Variants in CENPP observed in about 807,000 individuals in gnomAD.
The protein encoded by CENPP is centromere protein P.
In CENPP, 24 loss-of-function variants were observed where a neutral mutation model predicts 35.6. The ratio of observed to expected loss-of-function variants is 0.67; its 90% CI spans 0.49 to 0.95. CENPP has a LOEUF of 0.95. Among genes scored for constraint, CENPP ranks in the 40% least tolerant of loss-of-function variants. CENPP has a pLI of 0.00. For missense variants in CENPP, 332 were observed against 345.3 expected (o/e 0.96, Z 0.31); for synonymous variants, 120 against 125.5 (o/e 0.96, Z 0.29).
chr9:92,446,629 A>G (rs1844558133), intron 5 of CENPP, among the ~76,000 whole-genome samples: 1 of 152,170 alleles, frequency 6.6e-6, no homozygotes, highest in Non-Finnish European at 1.5e-5. Context: ...TTCACTAATA[A>G]GCATCATTCA....
intron 5 of CENPP, among the ~76,000 whole-genome samples, chr9:92,574,155 C>T (rs1850222605): frequency 6.6e-6 from 1 of 152,308 alleles, no homozygotes; most frequent in Middle Eastern, 3.4e-3. Flanking sequence ...CACCCGTCTT[C>T]TGCATCGCTC....
intron 5 of CENPP, among the ~76,000 whole-genome samples, chr9:92,545,655 C>T (rs372950942): frequency 6.6e-6 from 1 of 152,220 alleles, no homozygotes; most frequent in Non-Finnish European, 1.5e-5. Flanking sequence ...GACTGGCAGC[C>T]AGCTCCACCT....
At chr9:92,344,875 T>C (rs1841238590) in intron 3 of CENPP, among the ~76,000 whole-genome samples, 6 of 146,950 alleles carry the variant, frequency 4.1e-5, no homozygotes, top group Admixed American at 4.1e-4. Context: ...TAGGTAAAAA[T>C]GGCATCTTAT....
At chr9:92,470,655 G>T in intron 5 of CENPP, 1 of 1,283,790 alleles carries the variant, frequency 7.8e-7, no homozygotes, top group South Asian at 1.3e-5. Context: ...GAAAGTATGA[G>T]GATATATTCT....
intron 5 of CENPP, among the ~76,000 whole-genome samples, chr9:92,451,005 C>T (rs1844692440): frequency 1.3e-5 from 2 of 151,842 alleles, no homozygotes; most frequent in Non-Finnish European, 2.9e-5. Context: ...AGCTCTTTGT[C>T]AGATGAGTAG....
intron 5 of CENPP, among the ~76,000 whole-genome samples, chr9:92,602,368 GGGTCTCAGACTCAGGAGTGGACAGT>G: frequency 6.6e-6 from 1 of 152,216 alleles, no homozygotes; most frequent in Non-Finnish European, 1.5e-5. Flanking sequence ...AGCCATCATA[GGGTCTCAGACTCAGGAGTGGACAGT>G]GGTCTCAGGA....
At position 92,593,602 on chromosome 9, in the gene CENPP, T is replaced by C. The variant is rs1021022207; in HGVS notation, c.565-17712T>C. ...AGTGGTGTTTGCTACTCTTCTGTTA[T>C]CTGTTTTGAGTTTTAAGTCAAGCCC... On this transcript the variant is annotated intron_variant, in intron 5 of 7. Coordinates refer to ENST00000375587, the MANE Select transcript of CENPP (RefSeq NM_001012267.3). The surrounding 1 kb of genome is among the most constrained non-coding windows in gnomAD (Gnocchi z 4.1). Among the ~76,000 whole-genome samples, 1 of 152,236 alleles carries C rather than the reference T, an allele frequency of 6.6e-6. No individual in the cohort carries two copies. Among genetic ancestry groups the C allele is most frequent in the Non-Finnish European group, 1.5e-5 (1 of 68,038 alleles).
intron 5 of CENPP, among the ~76,000 whole-genome samples, chr9:92,565,480 A>C (rs756152953): frequency 6.6e-6 from 1 of 152,152 alleles, no homozygotes; most frequent in East Asian, 1.9e-4. Flanking sequence ...TTCAGCTCTT[A>C]ACAAAGTAGT....
intron 5 of CENPP, chr9:92,385,130 G>A (rs1288409114): frequency 6.6e-6 from 1 of 152,634 alleles, no homozygotes; most frequent in African/African-American, 2.4e-5. Context: ...GGAAAACAAA[G>A]TTCTTACTTT....
At chr9:92,542,860 ATTC>A (rs1849347073) in intron 5 of CENPP, among the ~76,000 whole-genome samples, 1 of 152,162 alleles carries the variant, frequency 6.6e-6, no homozygotes, top group East Asian at 1.9e-4. Context: ...CTTACATTTA[ATTC>A]ATTAATCTAT....
chr9:92,579,327 A>G (rs1160067155), intron 5 of CENPP, among the ~76,000 whole-genome samples: 45 of 148,460 alleles, frequency 3.0e-4, no homozygotes, highest in African/African-American at 9.2e-4. Context: ...GTTTTTTCCA[A>G]TTCTGTGAAG....
chr9:92,499,417 A>G (rs1157760295), intron 5 of CENPP, among the ~76,000 whole-genome samples: 2 of 152,228 alleles, frequency 1.3e-5, no homozygotes, highest in African/African-American at 4.8e-5. Flanking sequence ...TGGCAAAAAT[A>G]GAAATTCATC....
chr9:92,352,910 C>T (rs982155889), intron 4 of CENPP, among the ~76,000 whole-genome samples: 10 of 152,118 alleles, frequency 6.6e-5, no homozygotes, highest in Admixed American at 5.2e-4. Context: ...CTAGTTGACA[C>T]TTAGTATTAA....
intron 7 of CENPP, 28 bp from the exon 8 acceptor site, chr9:92,612,991 C>T: frequency 6.2e-7 from 1 of 1,613,464 alleles, no homozygotes; most frequent in Non-Finnish European, 8.5e-7. Flanking sequence ...CTTGAAGTTT[C>T]TTACCCGGTT....
At chr9:92,495,378 A>C (rs774708115) in intron 5 of CENPP, 24 of 981,090 alleles carry the variant, frequency 2.4e-5, no homozygotes, top group Non-Finnish European at 2.8e-5. Context: ...ACATAGCTTT[A>C]TTTCAATTGA....
intron 5 of CENPP, among the ~76,000 whole-genome samples, chr9:92,429,880 A>G (rs569894389): frequency 6.6e-6 from 1 of 152,326 alleles, no homozygotes; most frequent in East Asian, 1.9e-4. Context: ...AAGCAAATAC[A>G]TATATTTAGA....
At chr9:92,365,843 A>G (rs1304649914) in intron 4 of CENPP, among the ~76,000 whole-genome samples, 9 of 151,596 alleles carry the variant, frequency 5.9e-5, no homozygotes, top group Non-Finnish European at 1.3e-4. Flanking sequence ...AAGGTGTTTA[A>G]TCTCTGTGGA....
In CENPP at chr9:92,496,561, A is replaced by T. The variant is rs181855456; in HGVS notation, c.565-114753A>T. ...TTAGGAGTTAAGTTTAACATTTGTT[A>T]AAAAAATTTTGTTCTTAAAATAAAG... On this transcript the variant is annotated intron_variant, in intron 5 of 7. Transcript: ENST00000375587. 6.4e-3 allele frequency: 9,861 copies of T among 1,535,160 alleles called. 55 individuals are homozygous for T. The highest frequency in any genetic ancestry group is 7.8e-3 in the Non-Finnish European group (9,016 of 1,152,662).
chr9:92,360,943 G>A (rs1258878042), intron 4 of CENPP, among the ~76,000 whole-genome samples: 1 of 151,598 alleles, frequency 6.6e-6, no homozygotes, highest in African/African-American at 2.4e-5. Flanking sequence ...TCCTGACCTC[G>A]TGATCCGCCC....
Sources: gnomAD v4.1 joint callset for allele counts (sites outside exome capture counted in the v4.1 genomes callset) on GRCh38, gnomAD v4.1.1 for gene constraint, Gnocchi (gnomAD v3.1) non-coding constraint, MANE v1.5 for transcripts, NCBI Gene and HGNC (gene_info 2026-07-23, HGNC 2026-07-21) for gene names.